Variants in NELL1 observed in about 807,000 individuals in gnomAD.
NELL1 encodes protein kinase C-binding protein NELL1.
In NELL1, 76 loss-of-function variants were observed where a neutral mutation model predicts 107.4. That is an observed-to-expected ratio of 0.71 (90% CI 0.59 to 0.86). The LOEUF is 0.86. Among genes scored for constraint, NELL1 ranks in the 40% least tolerant of loss-of-function variants. The probability of loss-of-function intolerance (pLI) is 0.00; values close to 1 mark genes in which losing one functional copy is unlikely to be tolerated. For synonymous variants in NELL1, 353 were observed against 341.2 expected, an observed-to-expected ratio of 1.03 and a Z score of -0.38; for missense variants, 1,024 against 1,005.5, an observed-to-expected ratio of 1.02 and a Z score of -0.25.
At chr11:21,301,359 C>G (rs575517801) in intron 14 of NELL1, among the ~76,000 whole-genome samples, 3 of 152,280 alleles carry the variant, frequency 2.0e-5, no homozygotes, top group African/African-American at 7.2e-5. Context: ...ACAGTCCCAC[C>G]AACAGTGTAA....
At chr11:21,191,143 G>A (rs1324254458) in intron 13 of NELL1, among the ~76,000 whole-genome samples, 3 of 151,706 alleles carry the variant, frequency 2.0e-5, no homozygotes, top group African/African-American at 4.9e-5. Context: ...AATATATTAG[G>A]TTGAAAAGGA....
At chr11:21,054,017 A>G (rs1289346104) in intron 12 of NELL1, among the ~76,000 whole-genome samples, 2 of 152,160 alleles carry the variant, frequency 1.3e-5, no homozygotes, top group Admixed American at 6.6e-5. Flanking sequence ...ATTGCTTTCC[A>G]TGATTTCAGA....
At position 20,867,322 on chromosome 11, in the gene NELL1, G is replaced by C. The variant is rs548784325; in HGVS notation, c.507-18122G>C. Among the ~76,000 whole-genome samples the C allele has an allele frequency of 8.5e-5, 13 of 152,248 alleles. No individual in the cohort carries two copies. The South Asian group carries it at 1.5e-3, about 17-fold the overall frequency. ...AAAAAAAGATGATGATTGACTCTAC[G>C]TCATGGGTTTAACTGAAGTAATGCA... On this transcript the variant is annotated intron_variant, in intron 4 of 19. Transcript: ENST00000357134.
At chr11:21,531,655 G>A (rs1388217410) in intron 15 of NELL1, among the ~76,000 whole-genome samples, 1 of 152,116 alleles carries the variant, frequency 6.6e-6, no homozygotes, top group Admixed American at 6.6e-5. Flanking sequence ...CTTTGGGATG[G>A]TTGACACATT....
intron 14 of NELL1, among the ~76,000 whole-genome samples, chr11:21,258,868 G>C (rs16907801): frequency 0.035 from 5,244 of 151,988 alleles, 324 homozygotes; most frequent in African/African-American, 0.12. Context: ...CAGAGATAGA[G>C]GTTCAGAAAA....
intron 15 of NELL1, among the ~76,000 whole-genome samples, chr11:21,501,018 T>G (rs1357425928): frequency 6.6e-6 from 1 of 152,140 alleles, no homozygotes; most frequent in Non-Finnish European, 1.5e-5. Flanking sequence ...ACTATCCTGA[T>G]GGTGGTAGAG....
At chr11:20,933,244 G>A (rs1178584161) in intron 9 of NELL1, among the ~76,000 whole-genome samples, 1 of 152,216 alleles carries the variant, frequency 6.6e-6, no homozygotes, top group Non-Finnish European at 1.5e-5. Context: ...AGGAAGGGAA[G>A]GATGTGGGTG....
chr11:20,764,317 A>G (rs1247781803), intron 2 of NELL1, among the ~76,000 whole-genome samples: 2 of 152,186 alleles, frequency 1.3e-5, no homozygotes, highest in Non-Finnish European at 2.9e-5. Flanking sequence ...TCTTATAATC[A>G]ACAGCTTTTT....
chr11:20,771,862 C>A (rs1206755837), intron 2 of NELL1, among the ~76,000 whole-genome samples: 2 of 152,114 alleles, frequency 1.3e-5, no homozygotes, highest in Non-Finnish European at 2.9e-5. Context: ...TAATGAAAAC[C>A]CATTAAACCG....
chr11:20,933,632 C>T (rs566349621), intron 9 of NELL1, among the ~76,000 whole-genome samples: 1 of 152,234 alleles, frequency 6.6e-6, no homozygotes, highest in Admixed American at 6.5e-5. Flanking sequence ...TTTTGACATT[C>T]TAGGCCGCTG....
chr11:20,919,638 C>A (rs192256686), intron 7 of NELL1, among the ~76,000 whole-genome samples: 58 of 152,150 alleles, frequency 3.8e-4, no homozygotes, highest in Non-Finnish European at 6.3e-4. Context: ...AAAGTAGTAA[C>A]ACTGTAAGAT....
rs150451797 is a variant in NELL1, at chr11:20,688,434, G to A, written c.184+10374G>A. 1.1e-3 allele frequency among the ~76,000 whole-genome samples: 161 copies of A among 152,134 alleles called. 1 individual carries two copies. The highest frequency in any genetic ancestry group is 3.4e-3 in the African/African-American group (141 of 41,554). ...CTGTAGCTGCCATCTTTATGTTCATGTTTATCCAATGTTTAGCTCCCACTT... is the reference window on the plus strand; with the variant it reads ...CTGTAGCTGCCATCTTTATGTTCATATTTATCCAATGTTTAGCTCCCACTT... On this transcript the variant is annotated intron_variant, in intron 2 of 19. Coordinates refer to ENST00000357134, the MANE Select transcript of NELL1 (RefSeq NM_006157.5).
chr11:21,282,285 A>T (rs558057502), intron 14 of NELL1, among the ~76,000 whole-genome samples: 1 of 152,096 alleles, frequency 6.6e-6, no homozygotes, highest in African/African-American at 2.4e-5. Context: ...GCAAATCAAA[A>T]CTACAATAAG....
At chr11:21,403,179 G>T (rs1275196427) in intron 15 of NELL1, among the ~76,000 whole-genome samples, 2 of 151,688 alleles carry the variant, frequency 1.3e-5, no homozygotes, top group African/African-American at 4.9e-5. Context: ...CTATTTTAGA[G>T]ACTGGTAGGA....
At chr11:21,273,765 A>C (rs907464227) in intron 14 of NELL1, among the ~76,000 whole-genome samples, 1 of 152,252 alleles carries the variant, frequency 6.6e-6, no homozygotes, top group African/African-American at 2.4e-5. Flanking sequence ...CTTAAAGAAA[A>C]GAATTTTCAA....
intron 3 of NELL1, among the ~76,000 whole-genome samples, chr11:20,807,382 T>C (rs1053439677): frequency 6.6e-6 from 1 of 152,230 alleles, no homozygotes; most frequent in African/African-American, 2.4e-5. Flanking sequence ...TCTTGTTCTC[T>C]TCCCTTATTT....
chr11:20,776,254 A>G (rs1199080242), intron 2 of NELL1, among the ~76,000 whole-genome samples: 2 of 152,118 alleles, frequency 1.3e-5, no homozygotes, highest in African/African-American at 2.4e-5. Flanking sequence ...CCTGAGCAAC[A>G]TGGCGAAACC....
intron 2 of NELL1, among the ~76,000 whole-genome samples, chr11:20,752,332 C>G (rs1274689206): frequency 6.6e-6 from 1 of 152,096 alleles, no homozygotes; most frequent in Admixed American, 6.6e-5. Flanking sequence ...GGCGGATCAC[C>G]TGAGGTTGGG....
At chr11:20,962,809 T>A (rs949892507) in intron 12 of NELL1, among the ~76,000 whole-genome samples, 1 of 152,200 alleles carries the variant, frequency 6.6e-6, no homozygotes, top group Admixed American at 6.6e-5. Flanking sequence ...GTAATGGCAA[T>A]GTGACTGGGC....
Sources: gnomAD v4.1 joint callset for allele counts (sites outside exome capture counted in the v4.1 genomes callset) on GRCh38, gnomAD v4.1.1 for gene constraint, MANE v1.5 for transcripts, NCBI Gene and HGNC (gene_info 2026-07-23, HGNC 2026-07-21) for gene names.